TOX2: variants seen among roughly 807,000 people sequenced by gnomAD.
TOX2 encodes the protein granulosa cell HMG box 1.
A neutral mutation model predicts 47.4 loss-of-function variants in TOX2; 15 were observed. The observed-to-expected ratio is 0.32, with a 90% confidence interval of 0.21 to 0.49. The LOEUF (loss-of-function observed/expected upper bound fraction) is 0.49, where lower values mean the gene tolerates loss of function less well. Ranked by LOEUF, TOX2 falls within the 20% of genes least tolerant of loss-of-function variation. The pLI, the probability that TOX2 is intolerant of heterozygous loss-of-function variation, is 0.99. For synonymous variants in TOX2, 290 were observed against 296.6 expected (o/e 0.98, Z 0.23); for missense variants, 622 against 673.1 (o/e 0.92, Z 0.84).
At chr20:43,973,309 T>G in intron 1 of TOX2, 58 bp from the exon 2 acceptor site, 3 of 1,564,418 alleles carry the variant, frequency 1.9e-6, no homozygotes, top group East Asian at 2.2e-5. Context: ...CTGCTTCTCC[T>G]GGTGCCTTCC....
chr20:43,916,257 C>T lies in TOX2; in HGVS notation c.99+1267C>T. The stretch of plus-strand genomic sequence containing the variant: ...ATCGGCGCCCCCCAGGGTCTCTCCC[C>T]AACCTCGCAGGCTTTTCGTCAGGCC... On this transcript the variant is annotated intron_variant, in intron 1 of 8. Coordinates refer to ENST00000341197, the MANE Select transcript of TOX2 (RefSeq NM_001098797.2). This position sits in a 1 kb window ranked among gnomAD's most constrained non-coding sequence, Gnocchi z 5.0. 1.0e-6 allele frequency: 1 copy of T among 981,140 alleles called. No individual in the cohort carries two copies. The highest frequency in any genetic ancestry group is 1.2e-6 in the Non-Finnish European group (1 of 825,938). 60.8% of individuals were successfully genotyped at this position (981,140 alleles called of 1,614,324 possible).
At chr20:43,922,390 A>G (rs187683247) in intron 1 of TOX2, among the ~76,000 whole-genome samples, 11 of 152,298 alleles carry the variant, frequency 7.2e-5, no homozygotes, top group African/African-American at 2.6e-4. Context: ...AGAACCAGTG[A>G]TGTGGGAAGA....
At chr20:43,956,306 G>A (rs1451107089) in intron 1 of TOX2, among the ~76,000 whole-genome samples, 1 of 152,140 alleles carries the variant, frequency 6.6e-6, no homozygotes, top group Non-Finnish European at 1.5e-5. Context: ...CCTGTAATCA[G>A]TCCTAGCACT....
chr20:43,984,154 AAAAGGCCTTTTGC>A (rs1195287315), intron 2 of TOX2, among the ~76,000 whole-genome samples: 2 of 152,238 alleles, frequency 1.3e-5, no homozygotes, highest in African/African-American at 2.4e-5. Flanking sequence ...AATCAAAGAG[AAAAGGCCTTTTGC>A]AAGCATTTCC....
At chr20:43,989,866 G>T (rs1276409752) in intron 2 of TOX2, among the ~76,000 whole-genome samples, 1 of 152,038 alleles carries the variant, frequency 6.6e-6, no homozygotes, top group African/African-American at 2.4e-5. Context: ...TTCATGTGGT[G>T]CCTCTGGCTT....
At chr20:43,956,429 C>T (rs867320240) in intron 1 of TOX2, among the ~76,000 whole-genome samples, 14 of 152,134 alleles carry the variant, frequency 9.2e-5, no homozygotes, top group African/African-American at 1.7e-4. Context: ...GGCATGGTGG[C>T]GCATGCCTGT....
intron 1 of TOX2, among the ~76,000 whole-genome samples, chr20:43,965,431 AG>A (rs1244658632): frequency 3.3e-5 from 5 of 152,198 alleles, no homozygotes; most frequent in Non-Finnish European, 5.9e-5. Flanking sequence ...CCTTGAAGGC[AG>A]GGGCCGTGTC....
chr20:44,067,684 GAA>G (rs2071853350), intron 8 of TOX2, among the ~76,000 whole-genome samples: 1 of 152,052 alleles, frequency 6.6e-6, no homozygotes, highest in Admixed American at 6.5e-5. Context: ...CCTCCCTCTA[GAA>G]AGTCTTCCTG....
intron 6 of TOX2, among the ~76,000 whole-genome samples, chr20:44,065,381 T>A (rs1270237935): frequency 6.6e-6 from 1 of 152,064 alleles, no homozygotes; most frequent in Non-Finnish European, 1.5e-5. Context: ...TGGTTCAAAG[T>A]CAAGGGAAAA....
At chr20:43,917,992 G>A (rs1174751758) in intron 1 of TOX2, among the ~76,000 whole-genome samples, 1 of 152,150 alleles carries the variant, frequency 6.6e-6, no homozygotes, top group African/African-American at 2.4e-5. Flanking sequence ...ACAGAGGAGT[G>A]TAACTCACAG....
intron 1 of TOX2, among the ~76,000 whole-genome samples, chr20:43,926,870 T>TA (rs1458453919): frequency 6.6e-6 from 1 of 152,214 alleles, no homozygotes; most frequent in Non-Finnish European, 1.5e-5. Context: ...TCTGCACAAG[T>TA]AATTCTTGCA....
At chr20:44,038,405 T>C (rs995283941) in intron 3 of TOX2, among the ~76,000 whole-genome samples, 27 of 152,090 alleles carry the variant, frequency 1.8e-4, no homozygotes, top group African/African-American at 6.5e-4. Flanking sequence ...GAGACGTTTC[T>C]GAACCCTCTC....
At chr20:43,940,122 A>G (rs1297707441) in intron 1 of TOX2, among the ~76,000 whole-genome samples, 1 of 152,126 alleles carries the variant, frequency 6.6e-6, no homozygotes, top group Non-Finnish European at 1.5e-5. Context: ...AGCTTGGTGC[A>G]GAGCTCAATC....
intron 1 of TOX2, among the ~76,000 whole-genome samples, chr20:43,943,722 G>A (rs2069430612): frequency 6.6e-6 from 1 of 152,200 alleles, no homozygotes; most frequent in Non-Finnish European, 1.5e-5. Context: ...TTTTCTCTCT[G>A]ACAATCAATT....
intron 2 of TOX2, among the ~76,000 whole-genome samples, chr20:43,976,835 A>G (rs1428232568): frequency 1.3e-5 from 2 of 151,956 alleles, no homozygotes; most frequent in African/African-American, 2.4e-5. Context: ...CCCTCTCACA[A>G]TGTGTTGTCT....
At chr20:43,990,957 CAG>C (rs1171120252) in intron 2 of TOX2, among the ~76,000 whole-genome samples, 1 of 152,144 alleles carries the variant, frequency 6.6e-6, no homozygotes, top group Non-Finnish European at 1.5e-5. Flanking sequence ...TATTTTAAGA[CAG>C]AAACAACTAG....
intron 1 of TOX2, among the ~76,000 whole-genome samples, chr20:43,963,419 C>A (rs1600687730): frequency 6.6e-6 from 1 of 152,334 alleles, no homozygotes; most frequent in East Asian, 1.9e-4. Flanking sequence ...GTTGTCCTTG[C>A]TTCTGATAGT....
intron 2 of TOX2, among the ~76,000 whole-genome samples, chr20:44,000,549 C>T (rs1262127595): frequency 1.3e-5 from 2 of 151,928 alleles, no homozygotes; most frequent in African/African-American, 4.8e-5. Flanking sequence ...GGACAAATAA[C>T]AGTGGGCTAT....
intron 1 of TOX2, among the ~76,000 whole-genome samples, chr20:43,965,047 G>A (rs1159984382): frequency 2.6e-5 from 4 of 152,198 alleles, no homozygotes; most frequent in Non-Finnish European, 5.9e-5. Flanking sequence ...TCGAAAGCAA[G>A]AAGCTGAATT....
Sources: gnomAD v4.1 joint callset for allele counts (sites outside exome capture counted in the v4.1 genomes callset) on GRCh38, gnomAD v4.1.1 for gene constraint, Gnocchi (gnomAD v3.1) non-coding constraint, MANE v1.5 for transcripts, NCBI Gene and HGNC (gene_info 2026-07-23, HGNC 2026-07-21) for gene names.